ARHGAP32: variants seen among roughly 807,000 people sequenced by gnomAD.
The protein encoded by ARHGAP32 is rho GTPase-activating protein 32.
A neutral mutation model predicts 186.5 loss-of-function variants in ARHGAP32; 51 were observed. The observed-to-expected ratio is 0.27, with a 90% confidence interval of 0.22 to 0.35. The LOEUF (loss-of-function observed/expected upper bound fraction) is 0.35. Among genes scored for constraint, ARHGAP32 ranks in the 10% least tolerant of loss-of-function variants. ARHGAP32 has a pLI of 1.00. For synonymous variants in ARHGAP32, 950 were observed against 964.3 expected (o/e 0.99, Z 0.27); for missense variants, 2,186 against 2,623.5 (o/e 0.83, Z 3.64).
chr11:129,211,802 C>T (rs1478754433), intron 1 of ARHGAP32, among the ~76,000 whole-genome samples: 1 of 152,152 alleles, frequency 6.6e-6, no homozygotes, highest in Non-Finnish European at 1.5e-5. Context: ...CAAAAATATG[C>T]TTTTACTTTC....
At chr11:128,973,689 G>A (rs1565348993) in intron 21 of ARHGAP32, 1 of 552,188 alleles carries the variant, frequency 1.8e-6, no homozygotes, top group Non-Finnish European at 3.2e-6. Context: ...AAAAAAGCAT[G>A]TCCCTCACCT....
At chr11:129,273,536 G>A (rs1182334111) in intron 1 of ARHGAP32, among the ~76,000 whole-genome samples, 1 of 152,130 alleles carries the variant, frequency 6.6e-6, no homozygotes, top group Non-Finnish European at 1.5e-5. Flanking sequence ...CTTGACTCCA[G>A]GTTCAAAACT....
intron 11 of ARHGAP32, among the ~76,000 whole-genome samples, chr11:129,035,232 G>A (rs1200908882): frequency 6.6e-6 from 1 of 151,132 alleles, no homozygotes. Context: ...AGGTACCATG[G>A]GTACTTTCTA....
chr11:129,124,315 T>C (rs1260822122), intron 3 of ARHGAP32, among the ~76,000 whole-genome samples: 5 of 152,198 alleles, frequency 3.3e-5, no homozygotes, highest in Non-Finnish European at 5.9e-5. Flanking sequence ...ATTTCCCATT[T>C]GTGCTGCCAT....
intron 5 of ARHGAP32, among the ~76,000 whole-genome samples, chr11:129,105,226 T>C (rs1372271166): frequency 6.6e-6 from 1 of 151,916 alleles, no homozygotes; most frequent in Non-Finnish European, 1.5e-5. Flanking sequence ...AGTAGAGAGG[T>C]CTCTGGGAAA....
chr11:129,161,565 C>A (rs1357967993), intron 2 of ARHGAP32, among the ~76,000 whole-genome samples: 1 of 152,138 alleles, frequency 6.6e-6, no homozygotes, highest in Non-Finnish European at 1.5e-5. Context: ...CAATACTAGT[C>A]ATCAGAGACA....
chr11:129,206,181 T>C (rs1291029100), intron 1 of ARHGAP32, among the ~76,000 whole-genome samples: 1 of 152,134 alleles, frequency 6.6e-6, no homozygotes, highest in Non-Finnish European at 1.5e-5. Flanking sequence ...CCACTCAAGG[T>C]AAACTTTTCC....
At chr11:129,050,544 T>C (rs896152218) in intron 10 of ARHGAP32, among the ~76,000 whole-genome samples, 1 of 152,212 alleles carries the variant, frequency 6.6e-6, no homozygotes, top group Admixed American at 6.5e-5. Flanking sequence ...AAATCCTTTA[T>C]CAGATATAAT....
intron 1 of ARHGAP32, among the ~76,000 whole-genome samples, chr11:129,178,839 C>T (rs376939416): frequency 7.5e-4 from 113 of 151,128 alleles, no homozygotes; most frequent in Non-Finnish European, 4.1e-4. Context: ...CCATAAAAAC[C>T]CTAGAAGAAA....
chr11:128,985,950 T>G, intron 15 of ARHGAP32, 53 bp downstream of exon 15: 1 of 1,387,518 alleles, frequency 7.2e-7, no homozygotes, highest in East Asian at 2.7e-5. Context: ...AAAAAAACGT[T>G]TACAGGTCAA....
At chr11:129,220,516 T>C (rs1431829645) in intron 1 of ARHGAP32, among the ~76,000 whole-genome samples, 1 of 152,150 alleles carries the variant, frequency 6.6e-6, no homozygotes, top group Non-Finnish European at 1.5e-5. Context: ...TACAGGAGAA[T>C]ACATAAATTT....
intron 10 of ARHGAP32, among the ~76,000 whole-genome samples, chr11:129,050,394 T>C (rs1939993708): frequency 6.6e-6 from 1 of 152,176 alleles, no homozygotes; most frequent in Non-Finnish European, 1.5e-5. Flanking sequence ...TTTTAAAAAA[T>C]AGCATCTCAG....
intron 1 of ARHGAP32, among the ~76,000 whole-genome samples, chr11:129,249,404 A>G (rs778701730): frequency 1.9e-4 from 29 of 152,214 alleles, no homozygotes; most frequent in Non-Finnish European, 3.2e-4. Context: ...AGGATTTCGC[A>G]TATCTATAAA....
intron 2 of ARHGAP32, chr11:129,125,797 G>GT (rs908367799): frequency 0.02 from 6,556 of 327,422 alleles, no homozygotes; most frequent in South Asian, 0.034. Context: ...CTTTTTGAGG[G>GT]TTTTTTTTTT....
chr11:129,190,656 A>T (rs1944252314), intron 1 of ARHGAP32, among the ~76,000 whole-genome samples: 2 of 152,222 alleles, frequency 1.3e-5, no homozygotes, highest in Admixed American at 6.5e-5. Flanking sequence ...CAAATCTGTT[A>T]TAAAAACAAC....
intron 11 of ARHGAP32, among the ~76,000 whole-genome samples, chr11:129,001,991 G>A (rs1298318024): frequency 1.3e-5 from 2 of 152,086 alleles, no homozygotes; most frequent in Non-Finnish European, 2.9e-5. Context: ...ATGTCATGCT[G>A]TTTTGGTTAT....
At chr11:129,018,276 G>A (rs547211905) in intron 11 of ARHGAP32, among the ~76,000 whole-genome samples, 2 of 152,208 alleles carry the variant, frequency 1.3e-5, no homozygotes, top group South Asian at 2.1e-4. Flanking sequence ...TAAGAATACT[G>A]TAAACATATT....
At chr11:129,179,563 G>C (rs1489958334) in intron 1 of ARHGAP32, among the ~76,000 whole-genome samples, 3 of 151,442 alleles carry the variant, frequency 2.0e-5, no homozygotes, top group African/African-American at 7.3e-5. Context: ...AACAATGATA[G>C]ACTGGATTAA....
intron 10 of ARHGAP32, among the ~76,000 whole-genome samples, chr11:129,052,132 T>C (rs906541344): frequency 1.3e-5 from 2 of 152,208 alleles, no homozygotes; most frequent in African/African-American, 4.8e-5. Flanking sequence ...TGGAGACGTC[T>C]GGATATCCAA....
Sources: allele counts gnomAD v4.1 joint callset (sites outside exome capture counted in the v4.1 genomes callset), GRCh38; gene constraint gnomAD v4.1.1; transcripts MANE v1.5; gene names NCBI Gene and HGNC (gene_info 2026-07-23, HGNC 2026-07-21).